Variants in MAMDC4 observed in about 807,000 individuals in gnomAD.
MAMDC4 encodes the protein apical endosomal glycoprotein.
Under a neutral mutation model 153.3 loss-of-function variants are expected in MAMDC4, and 168 were observed. The observed-to-expected ratio is 1.10, with a 90% CI of 0.97 to 1.25. MAMDC4 has a LOEUF of 1.25. Ranked by LOEUF, MAMDC4 falls within the 50% of genes most tolerant of loss-of-function variation. The pLI is 0.00. For synonymous variants in MAMDC4, 744 were observed against 651.5 expected (o/e 1.14, Z -2.16); for missense variants, 1,701 against 1,542.8 (o/e 1.10, Z -1.72).
At chr9:136,858,143 G>C in intron 20 of MAMDC4, 43 bp from the exon 21 acceptor site, 1 of 1,530,088 alleles carries the variant, frequency 6.5e-7, no homozygotes, top group Non-Finnish European at 8.8e-7. Context: ...TCCCCCGAGG[G>C]CTGCCTGGAC....
intron 24 of MAMDC4, 34 bp downstream of exon 24, chr9:136,859,166 C>A: frequency 6.3e-7 from 1 of 1,591,704 alleles, no homozygotes. Context: ...GCCTCCTCCT[C>A]CTCCACCCAG....
chr9:136,853,284 G>C lies in MAMDC4; in HGVS notation c.155-1G>C. ...ACACACCTGACCACCCACTCTCCCA[G>C]GTTACCACGGGGCCTCGCCCACCCT... On this transcript the variant is annotated splice_acceptor_variant, in intron 2 of 26. Transcript: ENST00000317446. LOFTEE classifies it high-confidence loss of function. 1 of 1,604,404 alleles carries C rather than the reference G, an allele frequency of 6.2e-7. No individual in the cohort carries two copies. The highest frequency in any genetic ancestry group is 2.2e-5 in the East Asian group (1 of 44,644).
chr9:136,853,932 T>G lies in MAMDC4; in HGVS notation c.585+25T>G, dbSNP rs745805499. 4.2e-5 allele frequency: 67 copies of G among 1,612,316 alleles called. No homozygotes were observed. In the African/African-American group the frequency reaches 7.1e-4, roughly 17 times the overall value. On this transcript the variant is annotated intron_variant, in intron 5 of 26. Transcript: ENST00000317446. ...AGTGAGCTGGGAGGGTCTGGACGAGTGGGGGCCTTGAGGAGGGGTCTGGGC... is the reference window on the plus strand; with the variant it reads ...AGTGAGCTGGGAGGGTCTGGACGAGGGGGGGCCTTGAGGAGGGGTCTGGGC...
In MAMDC4 at chr9:136,854,070, C is replaced by T; in HGVS notation, c.664C>T (p.Leu222=). The change falls in exon 6 of 27, where the codon CTG becomes TTG. Residue 222 remains leucine (L), a synonymous_variant. Coordinates refer to ENST00000317446, the MANE Select transcript of MAMDC4 (RefSeq NM_206920.3). The part of the protein sequence containing the change: ...LDDLEFWDCG[L]PTPQANCPPG... ...TGACCTAGAGTTCTGGGACTGTGGTCTGCCCAGTAAGGCACCGCCTCTTCC... is the reference window on the plus strand; with the variant it reads ...TGACCTAGAGTTCTGGGACTGTGGTTTGCCCAGTAAGGCACCGCCTCTTCC... The T allele has an allele frequency of 6.2e-7, 1 of 1,612,748 alleles. No individual in the cohort carries two copies.
In MAMDC4 at chr9:136,853,796, G is replaced by A. The variant is rs763239179; in HGVS notation, c.474G>A (p.Val158=). The part of the protein sequence containing the change: ...AASGDVAELR[V]ELTHGAETLT... ...TTGCAGATGTGGCTGAACTGCGGGT[G>A]GAGCTGACCCATGGCGCAGAGACCC... Residue 158 remains valine (V), a synonymous_variant, in exon 5 of 27, where the codon GTG becomes GTA. Coordinates refer to ENST00000317446, the MANE Select transcript of MAMDC4 (RefSeq NM_206920.3). 2 of 1,610,968 alleles carry A rather than the reference G, an allele frequency of 1.2e-6. No individual in the cohort carries two copies. The highest frequency in any genetic ancestry group is 1.1e-5 in the South Asian group (1 of 91,028).
At position 136,856,043 on chromosome 9, in the gene MAMDC4, C is replaced by T. The variant is rs145010414; in HGVS notation, c.1614C>T (p.Ala538=). 1.5e-4 allele frequency: 242 copies of T among 1,612,122 alleles called. 1 individual carries two copies. In the African/African-American group the frequency reaches 2.1e-3, roughly 14 times the overall value. Residue 538 remains alanine, a synonymous_variant, in exon 14 of 27, where the codon GCC becomes GCT. Coordinates refer to ENST00000317446, the MANE Select transcript of MAMDC4 (RefSeq NM_206920.3). ...GGCACTTCCTGTCTCTGCAGCGGGC[C>T]TGGGGGCAGCTAGGCGCTGAGGCCC... is the stretch of plus-strand genomic sequence containing the variant. The part of the protein sequence containing the change: ...AAGHFLSLQR[A]WGQLGAEARV...
Position 136,855,267 on chromosome 9 carries a change from G to GA in MAMDC4, c.1211_1212insA (p.Gln405AlafsTer17), listed in dbSNP as rs752157784. ...CTCTGCCCTCAGATCCTCCTGGCCG[G>GA]GCAGACAGGCCCGGGGGGCGTCGTG... On this transcript the variant is annotated frameshift_variant, in exon 11 of 27. Coordinates refer to ENST00000317446, the MANE Select transcript of MAMDC4 (RefSeq NM_206920.3). LOFTEE classifies it high-confidence loss of function. The GA allele has an allele frequency of 1.3e-6, 2 of 1,598,228 alleles. No homozygotes were observed. Among genetic ancestry groups the GA allele is most frequent in the African/African-American group, 2.7e-5 (2 of 74,572 alleles).
chr9:136,853,144 G>A lies in MAMDC4; in HGVS notation c.89G>A (p.Ser30Asn), dbSNP rs1848950330. Reference sequence around the variant, plus strand: ...GCCTGGGTCCCCAACCACTGCAGGAGCCCTGGCCAGGCCGTGTGCAACTTC... The same window carrying A: ...GCCTGGGTCCCCAACCACTGCAGGAACCCTGGCCAGGCCGTGTGCAACTTC... ...GWAWVPNHCR[S>N]PGQAVCNFVC... Residue 30 changes from serine to asparagine, a missense_variant, in exon 2 of 27, where the codon AGC becomes AAC. Ser to Asn is a conservative substitution (Grantham distance 46). Coordinates refer to ENST00000317446, the MANE Select transcript of MAMDC4 (RefSeq NM_206920.3). 3 of 1,612,806 alleles carry A rather than the reference G, an allele frequency of 1.9e-6. No individual in the cohort carries two copies. The highest frequency in any genetic ancestry group is 1.1e-5 in the South Asian group (1 of 91,090).
At position 136,858,523 on chromosome 9, in the gene MAMDC4, A is replaced by T. The variant is rs1470090813; in HGVS notation, c.2798A>T (p.Asp933Val). The change falls in exon 22 of 27, where the codon GAC (aspartate) becomes GTC (valine). Residue 933 changes from aspartate to valine, a missense_variant. Asp to Val is a radical substitution (Grantham distance 152). Transcript: ENST00000317446. ...TCTCGTTACCCCCAGCCCCCTGTGG[A>T]CCACACCCTGGGCACAGAGGCAGGT... ...TPSRYPQPPV[D>V]HTLGTEAGHF... is the part of the protein sequence containing the mutation. The T allele has an allele frequency of 1.3e-6, 2 of 1,592,938 alleles. No individual in the cohort carries two copies. The highest frequency in any genetic ancestry group is 1.7e-6 in the Non-Finnish European group (2 of 1,170,888).
intron 5 of MAMDC4, 38 bp downstream of exon 5, chr9:136,853,945 G>A (rs1848965085): frequency 6.2e-7 from 1 of 1,612,594 alleles, no homozygotes; most frequent in Admixed American, 1.7e-5. Context: ...GGGCCTTGAG[G>A]AGGGGTCTGG....
chr9:136,859,178 G>A (rs367742787), intron 24 of MAMDC4, 31 bp from the exon 25 acceptor site: 3 of 1,600,266 alleles, frequency 1.9e-6, no homozygotes, highest in Non-Finnish European at 1.7e-6. Context: ...TCCACCCAGG[G>A]CCCACACAAA....
In MAMDC4 at chr9:136,859,053, CTG is replaced by C; in HGVS notation, c.3010_3011del (p.Trp1004GlyfsTer28). 1 of 1,555,846 alleles carries C rather than the reference CTG, an allele frequency of 6.4e-7. No homozygotes were observed. The highest frequency in any genetic ancestry group is 2.0e-5 in the Admixed American group (1 of 51,252). ...CTGCACAGTGCTCAGGGCCAGCTGG[CTG>C]TGTGGGGCGCAGGCGGGCATCGGCG... On this transcript the variant is annotated frameshift_variant, in exon 24 of 27. Coordinates refer to ENST00000317446, the MANE Select transcript of MAMDC4 (RefSeq NM_206920.3). LOFTEE classifies it high-confidence loss of function.
rs549630855 is a variant in MAMDC4, at chr9:136,857,741, C to T, written c.2409C>T (p.Pro803=). 1.2e-6 allele frequency: 2 copies of T among 1,612,648 alleles called. No individual in the cohort carries two copies. Among genetic ancestry groups the T allele is most frequent in the African/African-American group, 1.3e-5 (1 of 75,048 alleles). The part of the protein sequence containing the change: ...TASLTSKEHR[P]LAQPACLTFW... ...CCCTGACCTCCAAGGAGCACAGGCC[C>T]CTGGCCCAGCCTGCTTGTCTGACCT... Residue 803 remains proline (P), a synonymous_variant, in exon 19 of 27, where the codon CCC becomes CCT. Transcript: ENST00000317446.
intron 4 of MAMDC4, 25 bp from the exon 5 acceptor site, chr9:136,853,752 T>C: frequency 6.2e-7 from 1 of 1,607,142 alleles, no homozygotes; most frequent in Non-Finnish European, 8.5e-7. Context: ...GGGCCGCAGC[T>C]GCCCTGGGAC....
Position 136,853,097 on chromosome 9 carries a change from A to G in MAMDC4, c.47-5A>G. ...CAGGCCACCTGGCTGTCAACCTCCC[A>G]GCAGCAGGGTCCTCAGGCTGGGCCT... On this transcript the variant is annotated splice_polypyrimidine_tract_variant and splice_region_variant and intron_variant, in intron 1 of 26. Transcript: ENST00000317446. The G allele has an allele frequency of 6.2e-7, 1 of 1,611,848 alleles. No individual in the cohort carries two copies. Among genetic ancestry groups the G allele is most frequent in the South Asian group, 1.1e-5 (1 of 90,994 alleles).
intron 22 of MAMDC4, 84 bp from the exon 23 acceptor site, chr9:136,858,635 G>A (rs1849042916): frequency 4.4e-6 from 7 of 1,595,428 alleles, no homozygotes; most frequent in African/African-American, 2.7e-5. Flanking sequence ...CCATCCAGAG[G>A]AGGCCCTGCT....
Position 136,858,801 on chromosome 9 carries a change from C to CCCAGCCT in MAMDC4, c.2907_2913dup (p.Cys972SerfsTer14), listed in dbSNP as rs1849045684. 1 of 1,610,514 alleles carries CCCAGCCT rather than the reference C, an allele frequency of 6.2e-7. No individual in the cohort carries two copies. The highest frequency in any genetic ancestry group is 8.5e-7 in the Non-Finnish European group (1 of 1,178,836). ...TGCGCAGCGAGCCTCTGCCGGCCAC[C>CCCAGCCT]CCAGCCTCCTGCCTCCGCTTCTGGT... On this transcript the variant is annotated frameshift_variant, in exon 23 of 27. Coordinates refer to ENST00000317446, the MANE Select transcript of MAMDC4 (RefSeq NM_206920.3). LOFTEE classifies it high-confidence loss of function.
intron 22 of MAMDC4, 83 bp from the exon 23 acceptor site, chr9:136,858,636 A>C (rs1182073814): frequency 5.0e-6 from 8 of 1,595,302 alleles, no homozygotes; most frequent in South Asian, 2.2e-5. Flanking sequence ...CATCCAGAGG[A>C]GGCCCTGCTC....
intron 8 of MAMDC4, 38 bp downstream of exon 8, chr9:136,854,714 CG>C (rs769513664): frequency 5.0e-6 from 8 of 1,612,144 alleles, no homozygotes; most frequent in Non-Finnish European, 6.8e-6. Flanking sequence ...GCCCTGCCCA[CG>C]CAGCCACAGC....
Sources: allele counts gnomAD v4.1 joint callset, GRCh38; gene constraint gnomAD v4.1.1; transcripts MANE v1.5; gene names NCBI Gene and HGNC (gene_info 2026-07-23, HGNC 2026-07-21).